Variants in IQCH observed in about 807,000 individuals in gnomAD.
IQCH encodes IQ domain-containing protein H.
IQCH carries 98 observed loss-of-function variants against 117.0 expected under a neutral mutation model. The observed-to-expected ratio is 0.84, with a 90% CI of 0.71 to 0.99. IQCH has a LOEUF of 0.99. Ranked by LOEUF, IQCH falls within the 50% of genes least tolerant of loss-of-function variation. The pLI, the probability that IQCH is intolerant of heterozygous loss-of-function variation, is 0.00. For synonymous variants in IQCH, 412 were observed against 448.2 expected (o/e 0.92, Z 1.02); for missense variants, 1,102 against 1,243.8 (o/e 0.89, Z 1.72).
At chr15:67,452,585 G>T (rs539731991) in intron 16 of IQCH, among the ~76,000 whole-genome samples, 2 of 152,114 alleles carry the variant, frequency 1.3e-5, no homozygotes, top group African/African-American at 4.8e-5. Flanking sequence ...AGTTTCTGCC[G>T]AGAGATCAGC....
chr15:67,360,724 A>T (rs1273330634), intron 8 of IQCH, among the ~76,000 whole-genome samples: 1 of 152,224 alleles, frequency 6.6e-6, no homozygotes, highest in East Asian at 1.9e-4. Context: ...CAGGGATCTT[A>T]GCCATCTGCT....
At position 67,411,254 on chromosome 15, in the gene IQCH, C is replaced by G. The variant is rs2081443307; in HGVS notation, c.2098-5677C>G. Among the ~76,000 whole-genome samples, 1 of 152,138 alleles carries G rather than the reference C, an allele frequency of 6.6e-6. No homozygotes were observed. The highest frequency in any genetic ancestry group is 2.1e-4 in the South Asian group (1 of 4,828). On this transcript the variant is annotated intron_variant, in intron 14 of 20. Transcript: ENST00000335894. This position sits in a 1 kb window ranked among gnomAD's most constrained non-coding sequence, Gnocchi z 4.4. Reference sequence around the variant, plus strand: ...CTCCCCACTTTACACTCTGAAGAGGCAGCAGGGCCGGTGGGGAGCACTTAC... The same window carrying G: ...CTCCCCACTTTACACTCTGAAGAGGGAGCAGGGCCGGTGGGGAGCACTTAC...
intron 20 of IQCH, among the ~76,000 whole-genome samples, chr15:67,495,391 G>A (rs1173794503): frequency 6.6e-6 from 1 of 152,186 alleles, no homozygotes; most frequent in Non-Finnish European, 1.5e-5. Context: ...TAAAGAGACA[G>A]GATATCTCAC....
At chr15:67,298,165 C>T (rs1258085263) in intron 4 of IQCH, among the ~76,000 whole-genome samples, 3 of 151,596 alleles carry the variant, frequency 2.0e-5, no homozygotes, top group Non-Finnish European at 4.4e-5. Context: ...AAAAATTAGC[C>T]AGGTGTGGTG....
intron 7 of IQCH, among the ~76,000 whole-genome samples, chr15:67,358,202 C>CTTTTTTTTTTTTTTTTTTTTTTTTTT (rs1555462676): frequency 1.7e-4 from 1 of 5,974 alleles, no homozygotes; most frequent in African/African-American, 5.5e-4. Flanking sequence ...GAGGCACTTT[C>CTTTTTTTTTTTTTTTTTTTTTTTTTT]TTTTCTTTTT....
intron 2 of IQCH, among the ~76,000 whole-genome samples, chr15:67,262,126 C>A (rs1006507940): frequency 6.6e-6 from 1 of 151,968 alleles, no homozygotes. Flanking sequence ...AGTTGACTTT[C>A]CCCTAATAGC....
At chr15:67,368,125 C>T (rs1344437847) in intron 8 of IQCH, among the ~76,000 whole-genome samples, 1 of 152,030 alleles carries the variant, frequency 6.6e-6, no homozygotes. Flanking sequence ...GTAACTTGCC[C>T]AAGAGTATGT....
chr15:67,323,552 A>G (rs1438675301), intron 4 of IQCH, among the ~76,000 whole-genome samples: 3 of 152,050 alleles, frequency 2.0e-5, no homozygotes, highest in African/African-American at 4.8e-5. Flanking sequence ...AGGGTTACAT[A>G]TTTTAAAATA....
rs150356386 is a variant in IQCH, at chr15:67,414,643, C to T, written c.2098-2288C>T. Among the ~76,000 whole-genome samples, 247 of 147,888 alleles carry T rather than the reference C, an allele frequency of 1.7e-3. 3 individuals are homozygous for T. The highest frequency in any genetic ancestry group is 0.014 in the East Asian group (69 of 5,084). Reference sequence around the variant, plus strand: ...CTCCTTCACTGCCTTTTCTCCCTCTCTCCCCAACACCAAAAAAAAAATATA... The same window carrying T: ...CTCCTTCACTGCCTTTTCTCCCTCTTTCCCCAACACCAAAAAAAAAATATA... On this transcript the variant is annotated intron_variant, in intron 14 of 20. Coordinates refer to ENST00000335894, the MANE Select transcript of IQCH (RefSeq NM_001031715.3).
At chr15:67,304,516 G>C in intron 4 of IQCH, 1 of 835,740 alleles carries the variant, frequency 1.2e-6, no homozygotes, top group Non-Finnish European at 1.9e-6. Flanking sequence ...TCATTTATTA[G>C]TAGTGTAAGA....
Position 67,456,423 on chromosome 15 carries a change from C to T in IQCH, c.2506-8704C>T, listed in dbSNP as rs970593541. 6.6e-6 allele frequency among the ~76,000 whole-genome samples: 1 copy of T among 152,102 alleles called. No individual in the cohort carries two copies. Among genetic ancestry groups the T allele is most frequent in the African/African-American group, 2.4e-5 (1 of 41,418 alleles). On this transcript the variant is annotated intron_variant, in intron 16 of 20. Coordinates refer to ENST00000335894, the MANE Select transcript of IQCH (RefSeq NM_001031715.3). The surrounding 1 kb of genome is among the most constrained non-coding windows in gnomAD (Gnocchi z 5.1). ...AAATGTGGGACCTGAGAAGTCATTT[C>T]ACCCTCAGAGTCCTCACCCATAAAA...
chr15:67,364,092 C>T lies in IQCH; in HGVS notation c.753+4207C>T, dbSNP rs8039943. ...ATACCCAATAAGGGGATTGCTGGGT[C>T]GAGTGGTAATTCTGTTTTAAGTTCT... On this transcript the variant is annotated intron_variant, in intron 8 of 20. Coordinates refer to ENST00000335894, the MANE Select transcript of IQCH (RefSeq NM_001031715.3). This position sits in a 1 kb window ranked among gnomAD's most constrained non-coding sequence, Gnocchi z 4.1. Among the ~76,000 whole-genome samples the T allele has an allele frequency of 0.21, 31,941 of 152,076 alleles. 4,078 individuals are homozygous for T. The highest frequency in any genetic ancestry group is 0.47 in the East Asian group (2,444 of 5,178).
intron 4 of IQCH, among the ~76,000 whole-genome samples, chr15:67,319,525 A>T (rs1482532947): frequency 2.0e-5 from 3 of 152,202 alleles, no homozygotes; most frequent in Non-Finnish European, 2.9e-5. Flanking sequence ...ATGAACACCA[A>T]CACGTGACAT....
chr15:67,286,677 C>T (rs1966576461), intron 4 of IQCH, among the ~76,000 whole-genome samples: 1 of 151,866 alleles, frequency 6.6e-6, no homozygotes. Flanking sequence ...TGGTGCAGTT[C>T]GGGCTTACTG....
intron 1 of IQCH, among the ~76,000 whole-genome samples, chr15:67,259,921 A>AC (rs1965390668): frequency 6.6e-6 from 1 of 152,244 alleles, no homozygotes. Context: ...ACAATTTGTG[A>AC]AGAGTACAAA....
rs1024217413 is a variant in IQCH, at chr15:67,475,793, C to G, written c.2774C>G (p.Ala925Gly). The G allele has an allele frequency of 1.2e-6, 2 of 1,613,982 alleles. No individual in the cohort carries two copies. The highest frequency in any genetic ancestry group is 3.3e-5 in the Admixed American group (2 of 59,998). The change falls in exon 18 of 21, where the codon GCC (alanine) becomes GGC (glycine). Residue 925 changes from alanine to glycine, a missense_variant. By Grantham distance (60) the Ala-to-Gly change is moderately conservative. Transcript: ENST00000335894. This position sits in a 1 kb window ranked among gnomAD's most constrained non-coding sequence, Gnocchi z 5.7. ...FHYVFLQICR[A>G]HGIGYDVEER... Reference sequence around the variant, plus strand: ...TATGTTTTTCTCCAGATCTGTAGGGCCCATGGCATTGGCTATGATGTTGAG... The same window carrying G: ...TATGTTTTTCTCCAGATCTGTAGGGGCCATGGCATTGGCTATGATGTTGAG...
intron 15 of IQCH, among the ~76,000 whole-genome samples, chr15:67,420,293 T>C (rs1031936947): frequency 6.6e-6 from 1 of 152,302 alleles, no homozygotes; most frequent in Non-Finnish European, 1.5e-5. Flanking sequence ...AACTGCTCAT[T>C]TTTTTCTTTG....
Position 67,433,702 on chromosome 15 carries a change from T to C in IQCH, c.2505+12125T>C, listed in dbSNP as rs763778548. Among the ~76,000 whole-genome samples the C allele has an allele frequency of 2.0e-5, 3 of 152,200 alleles. No individual in the cohort carries two copies. The highest frequency in any genetic ancestry group is 4.4e-5 in the Non-Finnish European group (3 of 68,030). The stretch of plus-strand genomic sequence containing the variant: ...TCTGGACACTCACACTGCACCCTGC[T>C]GTCTCCAGCAGGTACTACATTTCTG... On this transcript the variant is annotated intron_variant, in intron 16 of 20. Transcript: ENST00000335894. The surrounding 1 kb of genome is among the most constrained non-coding windows in gnomAD (Gnocchi z 5.4).
chr15:67,370,327 T>A lies in IQCH; in HGVS notation c.754-1784T>A, dbSNP rs754459707. ...GCTTCTTATAGGTCTCAGAGTCCTG[T>A]TGACTGAATCACACGTGACTGGCAG... On this transcript the variant is annotated intron_variant, in intron 8 of 20. Transcript: ENST00000335894. This position sits in a 1 kb window ranked among gnomAD's most constrained non-coding sequence, Gnocchi z 5.6. Among the ~76,000 whole-genome samples, 2 of 152,234 alleles carry A rather than the reference T, an allele frequency of 1.3e-5. No individual in the cohort carries two copies. The highest frequency in any genetic ancestry group is 2.9e-5 in the Non-Finnish European group (2 of 68,038).
Sources: gnomAD v4.1 joint callset for allele counts (sites outside exome capture counted in the v4.1 genomes callset) on GRCh38, gnomAD v4.1.1 for gene constraint, Gnocchi (gnomAD v3.1) non-coding constraint, MANE v1.5 for transcripts, NCBI Gene and HGNC (gene_info 2026-07-23, HGNC 2026-07-21) for gene names.